Variants in MRPS11 observed in about 807,000 individuals in gnomAD.
MRPS11 encodes the protein mitochondrial ribosomal protein S11.
MRPS11 carries 27 observed loss-of-function variants against 24.3 expected under a neutral mutation model. The ratio of observed to expected loss-of-function variants is 1.11; its 90% CI spans 0.82 to 1.53. The LOEUF is 1.53. MRPS11 is among the 40% of genes most tolerant of loss of function. MRPS11 has a pLI of 0.00. For synonymous variants in MRPS11, 104 were observed against 98.7 expected, an observed-to-expected ratio of 1.05 and a Z score of -0.32; for missense variants, 277 against 256.5, an observed-to-expected ratio of 1.08 and a Z score of -0.55.
At chr15:88,472,228 C>T in intron 2 of MRPS11, 1 of 155,256 alleles carries the variant, frequency 6.4e-6, no homozygotes, top group Non-Finnish European at 1.4e-5. Context: ...TCATTTTTTG[C>T]AATGTAGAGT....
chr15:88,468,231 A>C (rs1226839929), intron 2 of MRPS11: 1 of 1,409,602 alleles, frequency 7.1e-7, no homozygotes, highest in Non-Finnish European at 9.3e-7. Context: ...CGTGGTACAG[A>C]GTAAATGTTC....
At position 88,480,364 on chromosome 15, in the gene MRPS11, A is replaced by T. The variant is rs2055907194; in HGVS notation, c.*2385A>T. On this transcript the variant is annotated 3_prime_UTR_variant, in exon 6 of 6. Coordinates refer to ENST00000325844, the MANE Select transcript of MRPS11 (RefSeq NM_022839.5). The surrounding 1 kb of genome is among the most constrained non-coding windows in gnomAD (Gnocchi z 5.1). ...TGTGAGCATCTGGGACTACAGGCGC[A>T]TGCCACCACACATGGATAATTTTTG... The T allele has an allele frequency of 6.6e-6, 1 of 152,196 alleles. No individual in the cohort carries two copies. The allele number at this position is 152,196 out of a possible 1,614,324, so 9.4% of individuals were successfully genotyped here. A position where few individuals can be genotyped will look rare whatever the true frequency, so the allele number is the denominator to read the frequency against.
In MRPS11 at chr15:88,477,264, TGCGTGCCAC is replaced by T. The variant is rs557802662; in HGVS notation, c.477+213_477+221del. Reference sequence around the variant, plus strand: ...AATTCATCAGACACTGAGTGCCTGCTGCGTGCCACGCACTGGGAATGGGAAGGTGGTTCC... The same window carrying T: ...AATTCATCAGACACTGAGTGCCTGCTGCACTGGGAATGGGAAGGTGGTTCC... On this transcript the variant is annotated intron_variant, in intron 5 of 5. Coordinates refer to ENST00000325844, the MANE Select transcript of MRPS11 (RefSeq NM_022839.5). The surrounding 1 kb of genome is among the most constrained non-coding windows in gnomAD (Gnocchi z 5.7). 5.0e-4 allele frequency among the ~76,000 whole-genome samples: 76 copies of T among 152,356 alleles called. No homozygotes were observed. The highest frequency in any genetic ancestry group is 9.6e-4 in the Non-Finnish European group (65 of 68,030).
intron 2 of MRPS11, among the ~76,000 whole-genome samples, chr15:88,470,191 T>C (rs1409850951): frequency 6.6e-6 from 1 of 152,156 alleles, no homozygotes; most frequent in Non-Finnish European, 1.5e-5. Flanking sequence ...GGCGTGGGTC[T>C]ATAATCCCAG....
At position 88,476,079 on chromosome 15, in the gene MRPS11, C is replaced by CG. The variant is rs570482091; in HGVS notation, c.411+841dup. Among the ~76,000 whole-genome samples, 497 of 152,284 alleles carry CG rather than the reference C, an allele frequency of 3.3e-3. 3 individuals are homozygous for CG. Among genetic ancestry groups the CG allele is most frequent in the Middle Eastern group, 6.8e-3 (2 of 294 alleles). On this transcript the variant is annotated intron_variant, in intron 4 of 5. Transcript: ENST00000325844. Reference sequence around the variant, plus strand: ...CAATACCAGTTCCAGTGTGAACTGTCGTAGACCTTTTTTAGAAGCAAATTG... The same window carrying CG: ...CAATACCAGTTCCAGTGTGAACTGTCGGTAGACCTTTTTTAGAAGCAAATTG...
chr15:88,470,712 G>C (rs573497896), intron 2 of MRPS11, among the ~76,000 whole-genome samples: 1 of 152,290 alleles, frequency 6.6e-6, no homozygotes, highest in East Asian at 1.9e-4. Flanking sequence ...ATTTTTGGTG[G>C]AGTGGTAGAG....
intron 2 of MRPS11, chr15:88,468,247 A>G: frequency 7.3e-7 from 1 of 1,375,974 alleles, no homozygotes; most frequent in Middle Eastern, 2.8e-4. Flanking sequence ...TGTTCAGTGA[A>G]CATTCGTTAA....
In MRPS11 at chr15:88,475,330, T is replaced by A; in HGVS notation, c.411+91T>A. On this transcript the variant is annotated intron_variant, in intron 4 of 5. Transcript: ENST00000325844. This position sits in a 1 kb window ranked among gnomAD's most constrained non-coding sequence, Gnocchi z 4.1. ...TGGAGAATCCTCATTATACTACCCA[T>A]TCAGAAGCAAGGGTTTGTCATGGCA... is the stretch of plus-strand genomic sequence containing the variant. The A allele has an allele frequency of 6.5e-7, 1 of 1,549,440 alleles. No homozygotes were observed. The highest frequency in any genetic ancestry group is 1.4e-5 in the African/African-American group (1 of 73,476).
chr15:88,472,532 G>C, intron 2 of MRPS11, 95 bp from the exon 3 acceptor site: 1 of 995,582 alleles, frequency 1.0e-6, no homozygotes, highest in Non-Finnish European at 1.5e-6. Flanking sequence ...AAGCAGCAGG[G>C]GGCACAGAGC....
intron 4 of MRPS11, among the ~76,000 whole-genome samples, chr15:88,476,394 C>T (rs544697751): frequency 6.6e-6 from 1 of 152,172 alleles, no homozygotes; most frequent in Non-Finnish European, 1.5e-5. Context: ...GACCTTCAAA[C>T]AAGGGAAGGC....
In MRPS11 at chr15:88,467,739, G is replaced by T; in HGVS notation, c.22G>T (p.Gly8Trp). 2 of 1,614,130 alleles carry T rather than the reference G, an allele frequency of 1.2e-6. No individual in the cohort carries two copies. The highest frequency in any genetic ancestry group is 1.7e-6 in the Non-Finnish European group (2 of 1,180,034). ...AGTCATGCAGGCTGTGAGAAACGCG[G>T]GGTCGCGGTTCCTGCGGTCCTGGAC... is the stretch of plus-strand genomic sequence containing the variant. Reference protein sequence around the residue: MQAVRNAGSRFLRSWTWP... With the variant: MQAVRNAWSRFLRSWTWP... The change falls in exon 1 of 6, where the codon GGG becomes TGG. Residue 8 changes from glycine (G) to tryptophan (W), a missense_variant. Physicochemically the swap from Gly to Trp is radical, Grantham distance 184. Coordinates refer to ENST00000325844, the MANE Select transcript of MRPS11 (RefSeq NM_022839.5).
Position 88,472,829 on chromosome 15 carries a change from G to A in MRPS11, c.281+104G>A. ...AATACCCCGGGGTAGAAGTGAGGGT[G>A]CTAAGTGCTGCATGATGGCGCTAAT... On this transcript the variant is annotated intron_variant, in intron 3 of 5. Transcript: ENST00000325844. 4.6e-6 allele frequency: 4 copies of A among 873,516 alleles called. No homozygotes were observed. The South Asian group carries it at 6.3e-5, about 14-fold the overall frequency. 54.1% of individuals were successfully genotyped at this position (873,516 alleles called of 1,614,324 possible).
chr15:88,478,262 T>C lies in MRPS11; in HGVS notation c.*283T>C. 1 of 405,560 alleles carries C rather than the reference T, an allele frequency of 2.5e-6. No homozygotes were observed. The highest frequency in any genetic ancestry group is 4.4e-6 in the Non-Finnish European group (1 of 225,790). 25.1% of individuals were successfully genotyped at this position (405,560 alleles called of 1,614,324 possible). A position where few individuals can be genotyped will look rare whatever the true frequency, so the allele number is the denominator to read the frequency against. On this transcript the variant is annotated 3_prime_UTR_variant, in exon 6 of 6. Transcript: ENST00000325844. This position sits in a 1 kb window ranked among gnomAD's most constrained non-coding sequence, Gnocchi z 4.7. ...AGAAAATAAATATCTGTACCACCTG[T>C]CATAATTTTGAGATTTTTTGCTTTC...
intron 3 of MRPS11, 117 bp from the exon 4 acceptor site, chr15:88,474,993 G>A: frequency 8.1e-7 from 1 of 1,231,812 alleles, no homozygotes; most frequent in Non-Finnish European, 1.1e-6. Context: ...GAAGCTCAAA[G>A]TAGAAGCAAC....
rs573734567 is a variant in MRPS11, at chr15:88,469,459, T to C, written c.182+1435T>C. ...ATTCCAGTGGGTAGAAGACAGTAAA[T>C]AGAAAACAAGTAAAATGTAGGAGTA... On this transcript the variant is annotated intron_variant, in intron 2 of 5. Transcript: ENST00000325844. The surrounding 1 kb of genome is among the most constrained non-coding windows in gnomAD (Gnocchi z 4.4). Among the ~76,000 whole-genome samples, 190 of 151,984 alleles carry C rather than the reference T, an allele frequency of 1.3e-3. 1 individual carries two copies. The highest frequency in any genetic ancestry group is 4.5e-3 in the African/African-American group (185 of 41,416).
At chr15:88,470,083 G>A (rs1296158638) in intron 2 of MRPS11, among the ~76,000 whole-genome samples, 4 of 152,124 alleles carry the variant, frequency 2.6e-5, no homozygotes, top group East Asian at 3.9e-4. Flanking sequence ...TTGGGAGGCC[G>A]AGGCAGGCGG....
At chr15:88,474,783 T>C (rs2142217120) in intron 3 of MRPS11, among the ~76,000 whole-genome samples, 1 of 152,330 alleles carries the variant, frequency 6.6e-6, no homozygotes, top group East Asian at 1.9e-4. Flanking sequence ...CCATCAGATT[T>C]CTTATGTTAT....
rs775090003 is a variant in MRPS11, at chr15:88,467,930, G to A, written c.88G>A (p.Ala30Thr). ...CAGCAGGGTCGTGGCCAGAACGCCG[G>A]CCGGGACCATCTGCACAGGCGCTCG... Reference protein sequence around the residue: ...TAGRVVARTPAGTICTGARQL... With the variant: ...TAGRVVARTPTGTICTGARQL... The change falls in exon 2 of 6, where the codon GCC becomes ACC. Residue 30 changes from alanine (A) to threonine (T), a missense_variant. Ala to Thr is a moderately conservative substitution (Grantham distance 58). Coordinates refer to ENST00000325844, the MANE Select transcript of MRPS11 (RefSeq NM_022839.5). 3 of 1,613,632 alleles carry A rather than the reference G, an allele frequency of 1.9e-6. No homozygotes were observed. The South Asian group carries it at 3.3e-5, about 18-fold the overall frequency.
At chr15:88,471,626 T>C (rs1282564101) in intron 2 of MRPS11, among the ~76,000 whole-genome samples, 1 of 152,228 alleles carries the variant, frequency 6.6e-6, no homozygotes, top group Non-Finnish European at 1.5e-5. Context: ...TCCCTATTGG[T>C]ACCTAATTTT....
Sources: gnomAD v4.1 joint callset for allele counts (sites outside exome capture counted in the v4.1 genomes callset) on GRCh38, gnomAD v4.1.1 for gene constraint, Gnocchi (gnomAD v3.1) non-coding constraint, MANE v1.5 for transcripts, NCBI Gene and HGNC (gene_info 2026-07-23, HGNC 2026-07-21) for gene names.